KCNC4: variants seen among roughly 807,000 people sequenced by gnomAD.
The protein encoded by KCNC4 is potassium voltage-gated channel subfamily C member 4, also known as voltage-gated potassium channel KCNC4.
In KCNC4, 23 loss-of-function variants were observed where a neutral mutation model predicts 42.8. The observed-to-expected ratio is 0.54, with a 90% CI of 0.39 to 0.76. The LOEUF (loss-of-function observed/expected upper bound fraction) is 0.76, where lower values mean the gene tolerates loss of function less well. KCNC4 is among the 30% of genes least tolerant of loss of function. KCNC4 has a pLI of 0.00. For missense variants in KCNC4, 751 were observed against 898.2 expected, an observed-to-expected ratio of 0.84 and a Z score of 2.10; for synonymous variants, 422 against 393.5, an observed-to-expected ratio of 1.07 and a Z score of -0.86.
At chr1:110,213,170 TAA>T (rs760587471) in intron 1 of KCNC4, among the ~76,000 whole-genome samples, 218 of 50,822 alleles carry the variant, frequency 4.3e-3, no homozygotes, top group African/African-American at 0.015. Flanking sequence ...CTTCGACAGC[TAA>T]AAAAAAAAAA....
chr1:110,278,353 A>G (rs1216275112), intron 1 of KCNC4, among the ~76,000 whole-genome samples: 9 of 152,002 alleles, frequency 5.9e-5, no homozygotes, highest in Non-Finnish European at 8.8e-5. Context: ...CTTCCTGGGG[A>G]CATTTGGTAG....
At chr1:110,268,613 AAAAAAAAAAAAAAAGAAAAG>A in intron 1 of KCNC4, among the ~76,000 whole-genome samples, 1 of 147,822 alleles carries the variant, frequency 6.8e-6, no homozygotes, top group East Asian at 2.0e-4. Flanking sequence ...CTCAAAAGAA[AAAAAAAAAAAAAAAGAAAAG>A]AAAAGAAAAA....
At chr1:110,245,402 A>G (rs1400223083) in exon 4 of KCNC4, 5 of 152,220 alleles carry the variant, frequency 3.3e-5, no homozygotes, top group African/African-American at 1.2e-4. Flanking sequence ...TCTGGGCTTC[A>G]GTATTCTCTG....
intron 1 of KCNC4, among the ~76,000 whole-genome samples, chr1:110,272,323 C>A (rs994894363): frequency 3.9e-5 from 6 of 152,202 alleles, no homozygotes; most frequent in African/African-American, 1.4e-4. Flanking sequence ...GGGTTGGGAA[C>A]TTTACCTACA....
intron 1 of KCNC4, among the ~76,000 whole-genome samples, chr1:110,256,102 C>CT (rs1659323268): frequency 2.0e-5 from 3 of 152,188 alleles, no homozygotes; most frequent in Admixed American, 1.3e-4. Flanking sequence ...TTCTGGGTGG[C>CT]ACTGTACAGG....
chr1:110,233,114 C>G lies in KCNC4; in HGVS notation c.*142C>G. 1 of 1,076,484 alleles carries G rather than the reference C, an allele frequency of 9.3e-7. No individual in the cohort carries two copies. Among genetic ancestry groups the G allele is most frequent in the Non-Finnish European group, 1.3e-6 (1 of 744,654 alleles). 66.7% of individuals were successfully genotyped at this position (1,076,484 alleles called of 1,614,324 possible). A position where few individuals can be genotyped will look rare whatever the true frequency, so the allele number is the denominator to read the frequency against. Reference sequence around the variant, plus strand: ...CAGGACTGGTGGAAAATCTCCCATGCGACCCTCGGGGCCCAGAGCCATCTG... The same window carrying G: ...CAGGACTGGTGGAAAATCTCCCATGGGACCCTCGGGGCCCAGAGCCATCTG... On this transcript the variant is annotated 3_prime_UTR_variant, in exon 4 of 4. Coordinates refer to ENST00000438661, the MANE Select transcript of KCNC4 (RefSeq NM_001039574.3).
At chr1:110,241,344 C>G (rs1444783184) in exon 4 of KCNC4, 1 of 152,156 alleles carries the variant, frequency 6.6e-6, no homozygotes, top group Non-Finnish European at 1.5e-5. Context: ...CATCAGCACT[C>G]TAGTATGAAT....
In KCNC4 at chr1:110,215,013, C is replaced by T. The variant is rs1259097248; in HGVS notation, c.678+2836C>T. Among the ~76,000 whole-genome samples the T allele has an allele frequency of 2.0e-5, 3 of 152,238 alleles. No homozygotes were observed. In the East Asian group the frequency reaches 5.8e-4, roughly 29 times the overall value. ...TGCTACCTTCCCTCGCTCACAGCTACCTCCTCCCTGGAAGGGCCCGCAGCA... is the reference window on the plus strand; with the variant it reads ...TGCTACCTTCCCTCGCTCACAGCTATCTCCTCCCTGGAAGGGCCCGCAGCA... On this transcript the variant is annotated intron_variant, in intron 1 of 3. Coordinates refer to ENST00000438661, the MANE Select transcript of KCNC4 (RefSeq NM_001039574.3).
At chr1:110,275,831 G>A (rs1445820600) in intron 1 of KCNC4, among the ~76,000 whole-genome samples, 2 of 151,684 alleles carry the variant, frequency 1.3e-5, no homozygotes, top group African/African-American at 4.8e-5. Flanking sequence ...GGTGGCACAC[G>A]CCTCTAGTCC....
rs2100969353 is a variant in KCNC4, at chr1:110,210,328, G to A, written c.-1172G>A. ...GAAAAGGCGCCACTGGGGCGTGGCG[G>A]CCGCTGCCAGCGCCGGAGGGAGACC... On this transcript the variant is annotated 5_prime_UTR_variant, in exon 1 of 4. Coordinates refer to ENST00000438661, the MANE Select transcript of KCNC4 (RefSeq NM_001039574.3). Among the ~76,000 whole-genome samples, 1 of 151,716 alleles carries A rather than the reference G, an allele frequency of 6.6e-6. No homozygotes were observed. Among genetic ancestry groups the A allele is most frequent in the East Asian group, 2.0e-4 (1 of 5,114 alleles).
chr1:110,225,964 G>A lies in KCNC4; in HGVS notation c.1616-11G>A. 6.4e-7 allele frequency: 1 copy of A among 1,568,936 alleles called. No individual in the cohort carries two copies. The highest frequency in any genetic ancestry group is 1.2e-5 in the South Asian group (1 of 84,784). On this transcript the variant is annotated splice_polypyrimidine_tract_variant and intron_variant, in intron 2 of 3. Coordinates refer to ENST00000438661, the MANE Select transcript of KCNC4 (RefSeq NM_001039574.3). ...CCCTCATGCAGCCTCCTTTCTGTGT[G>A]CCCCCTTCAGACTCTAAGCAGAATG...
At chr1:110,218,691 A>G (rs2101000048) in intron 1 of KCNC4, among the ~76,000 whole-genome samples, 1 of 152,180 alleles carries the variant, frequency 6.6e-6, no homozygotes, top group Non-Finnish European at 1.5e-5. Flanking sequence ...AGGCTTGGAG[A>G]GGTTAAGGAA....
chr1:110,236,384 C>T (rs1000080928), downstream of KCNC4: 2 of 152,240 alleles, frequency 1.3e-5, no homozygotes, highest in African/African-American at 4.8e-5. Flanking sequence ...CTTAGCCACT[C>T]TCTGAACTGA....
chr1:110,278,732 C>T (rs12118799), intron 1 of KCNC4, among the ~76,000 whole-genome samples: 36,053 of 151,824 alleles, frequency 0.24, 5,085 homozygotes, highest in Non-Finnish European at 0.32. Context: ...AGACCCAGGG[C>T]CATCTGCTGC....
chr1:110,232,648 G>C (rs1200714248), intron 3 of KCNC4: 1 of 1,445,098 alleles, frequency 6.9e-7, no homozygotes, highest in Admixed American at 2.6e-5. Context: ...TGGGTTGGCA[G>C]AGGGGTGAAG....
In KCNC4 at chr1:110,223,980, A is replaced by G. The variant is rs367839863; in HGVS notation, c.1615+80A>G. ...TTCCAAATGGACCTCAGACCTTGGGATTTGGCATGTGTTTTGTGTGGGGCT... is the reference window on the plus strand; with the variant it reads ...TTCCAAATGGACCTCAGACCTTGGGGTTTGGCATGTGTTTTGTGTGGGGCT... On this transcript the variant is annotated intron_variant, in intron 2 of 3. Transcript: ENST00000438661. This position sits in a 1 kb window ranked among gnomAD's most constrained non-coding sequence, Gnocchi z 7.5. 3.9e-5 allele frequency: 45 copies of G among 1,149,230 alleles called. No individual in the cohort carries two copies. The African/African-American group carries it at 5.6e-4, about 14-fold the overall frequency. The allele number at this position is 1,149,230 out of a possible 1,614,324, so 71.2% of individuals were successfully genotyped here. A position where few individuals can be genotyped will look rare whatever the true frequency, so the allele number is the denominator to read the frequency against.
rs574307394 is a variant in KCNC4 at position 110,212,063 on chromosome 1, A to G, written c.564A>G (p.Arg188=). The G allele has an allele frequency of 4.2e-5, 66 of 1,555,446 alleles. 1 individual carries two copies. The highest frequency in any genetic ancestry group is 3.1e-4 in the South Asian group (26 of 85,196). The change falls in exon 1 of 4, where the codon CGA becomes CGG. Residue 188 remains arginine (R), a synonymous_variant. Coordinates refer to ENST00000438661, the MANE Select transcript of KCNC4 (RefSeq NM_001039574.3). ...GDDERELALQ[R]LGPHEGGAGH... is the part of the protein sequence containing the mutation. ...ATGAGCGGGAGCTGGCCCTGCAGCG[A>G]CTGGGCCCCCACGAGGGAGGCGCGG...
intron 3 of KCNC4, among the ~76,000 whole-genome samples, chr1:110,229,660 G>A (rs904952472): frequency 4.6e-5 from 7 of 152,074 alleles, no homozygotes; most frequent in African/African-American, 7.2e-5. Flanking sequence ...TTTACCTAAC[G>A]AGCCCAGGAG....
intron 1 of KCNC4, among the ~76,000 whole-genome samples, chr1:110,256,367 G>A (rs1482003061): frequency 1.3e-5 from 2 of 152,194 alleles, no homozygotes; most frequent in African/African-American, 4.8e-5. Context: ...ATCTGTTAGA[G>A]AATATTTACT....
Sources: allele counts gnomAD v4.1 joint callset (sites outside exome capture counted in the v4.1 genomes callset), GRCh38; gene constraint gnomAD v4.1.1; non-coding constraint Gnocchi (gnomAD v3.1); transcripts MANE v1.5; gene names NCBI Gene and HGNC (gene_info 2026-07-23, HGNC 2026-07-21).